RHOBTB1: variants seen among roughly 807,000 people sequenced by gnomAD.
The protein encoded by RHOBTB1 is rho-related BTB domain-containing protein 1.
In RHOBTB1, 40 loss-of-function variants were observed where a neutral mutation model predicts 71.6. The ratio of observed to expected loss-of-function variants is 0.56; its 90% CI spans 0.43 to 0.73. The LOEUF (loss-of-function observed/expected upper bound fraction) is 0.73. RHOBTB1 is among the 30% of genes least tolerant of loss of function. The pLI is 0.00. For missense variants in RHOBTB1, 797 were observed against 894.0 expected, an observed-to-expected ratio of 0.89 and a Z score of 1.38; for synonymous variants, 319 against 334.9, an observed-to-expected ratio of 0.95 and a Z score of 0.52.
At chr10:60,997,962 T>G (rs1385571785) in intron 1 of RHOBTB1, among the ~76,000 whole-genome samples, 1 of 152,226 alleles carries the variant, frequency 6.6e-6, no homozygotes, top group Non-Finnish European at 1.5e-5. Context: ...GCTTATGGTC[T>G]GTTTTGGGGG....
Position 60,872,208 on chromosome 10 carries a change from T to C in RHOBTB1, c.1898A>G (p.Lys633Arg). The C allele has an allele frequency of 6.2e-7, 1 of 1,613,982 alleles. No individual in the cohort carries two copies. The highest frequency in any genetic ancestry group is 8.5e-7 in the Non-Finnish European group (1 of 1,179,860). The part of the protein sequence containing the change: ...NYNSVCSKFR[K>R]EIKSKSADNQ... ...ACCTGCAGATTTTGATTTGATTTCCTTACGGAACTTGGAGCATACACTGTT... is the reference window on the plus strand; with the variant it reads ...ACCTGCAGATTTTGATTTGATTTCCCTACGGAACTTGGAGCATACACTGTT... The change falls in exon 10 of 11, where the codon AAG becomes AGG. Residue 633 changes from lysine to arginine, a missense_variant. Transcript: ENST00000337910.
chr10:60,888,115 T>C (rs1589193375), intron 6 of RHOBTB1, 97 bp downstream of exon 6: 1 of 1,346,770 alleles, frequency 7.4e-7, no homozygotes. Flanking sequence ...TACGTATAAA[T>C]GTTAGCTATC....
Position 60,871,319 on chromosome 10 carries a change from T to G in RHOBTB1, c.*163A>C. The G allele has an allele frequency of 1.5e-6, 1 of 649,852 alleles. No individual in the cohort carries two copies. Among genetic ancestry groups the G allele is most frequent in the Non-Finnish European group, 2.5e-6 (1 of 392,166 alleles). 40.3% of individuals were successfully genotyped at this position (649,852 alleles called of 1,614,324 possible). ...AGGCTCATTGATGGTGAGCTTGTGC[T>G]TTGATCCTAACAAAGATAAATGCAC... On this transcript the variant is annotated 3_prime_UTR_variant, in exon 11 of 11. Transcript: ENST00000337910.
chr10:60,912,054 T>C (rs1021831828), intron 2 of RHOBTB1, among the ~76,000 whole-genome samples: 121 of 152,158 alleles, frequency 8.0e-4, no homozygotes, highest in African/African-American at 2.6e-3. Flanking sequence ...TCAAAACTGT[T>C]ATGGGGACTT....
At chr10:60,888,026 T>C (rs1428240143) in intron 6 of RHOBTB1, among the ~76,000 whole-genome samples, 186 bp downstream of exon 6, 1 of 152,102 alleles carries the variant, frequency 6.6e-6, no homozygotes, top group Non-Finnish European at 1.5e-5. Flanking sequence ...ATGGAGACAA[T>C]CATATTTAAC....
At chr10:60,967,230 C>T (rs2134613396) in intron 2 of RHOBTB1, among the ~76,000 whole-genome samples, 1 of 104,648 alleles carries the variant, frequency 9.6e-6, no homozygotes, top group South Asian at 3.6e-4. Context: ...TGATCTAAGA[C>T]CAATTAGAAA....
At position 60,888,850 on chromosome 10, in the gene RHOBTB1, T is replaced by C. The variant is rs752772350; in HGVS notation, c.818A>G (p.Gln273Arg). The C allele has an allele frequency of 1.2e-6, 2 of 1,614,184 alleles. No homozygotes were observed. The highest frequency in any genetic ancestry group is 1.7e-6 in the Non-Finnish European group (2 of 1,180,030). ...ATGTGCAAAGATGTGTTCCTGGTCCTGAAGGATGAACAGAACATCGGCACA... is the reference window on the plus strand; with the variant it reads ...ATGTGCAAAGATGTGTTCCTGGTCCCGAAGGATGAACAGAACATCGGCACA... Reference protein sequence around the residue: ...PLCADVLFILQDQEHIFAHRI... With the variant: ...PLCADVLFILRDQEHIFAHRI... Residue 273 changes from glutamine to arginine, a missense_variant, in exon 6 of 11, where the codon CAG (glutamine) becomes CGG (arginine). Around this residue, in one of 2 missense-constraint regions of RHOBTB1, gnomAD observed 658 missense variants for 681.5 expected, o/e 0.97. Transcript: ENST00000337910.
At chr10:60,963,185 T>C (rs1483734435) in intron 2 of RHOBTB1, among the ~76,000 whole-genome samples, 3 of 152,180 alleles carry the variant, frequency 2.0e-5, no homozygotes, top group African/African-American at 7.2e-5. Context: ...CACTCATTGC[T>C]GTATGGGTAG....
downstream of RHOBTB1, among the ~76,000 whole-genome samples, chr10:60,867,928 T>C (rs1337069174): frequency 6.6e-6 from 1 of 152,218 alleles, no homozygotes; most frequent in Non-Finnish European, 1.5e-5. Flanking sequence ...ATACAATAAA[T>C]TAAGTCGAGG....
chr10:60,861,909 G>T, the RHOBTB1 span, among the ~76,000 whole-genome samples: 1 of 152,192 alleles, frequency 6.6e-6, no homozygotes, highest in Non-Finnish European at 1.5e-5. Context: ...AGACCAGAAA[G>T]ATGATCCAAG....
chr10:60,910,951 C>T lies in RHOBTB1; in HGVS notation c.232G>A (p.Val78Ile). ...RSRDVVDEVS[V>I]SLRLWDTFGD... is the part of the protein sequence containing the mutation. ...AAAGTATCCCAAAGCCTGAGAGAAA[C>T]ACTCACTTCATCAACAACATCCCGA... The change falls in exon 4 of 11, where the codon GTT becomes ATT. Residue 78 changes from valine to isoleucine, a missense_variant. By Grantham distance (29) the Val-to-Ile change is conservative. Around this residue, in one of 2 missense-constraint regions of RHOBTB1, gnomAD observed 139 missense variants for 212.5 expected, o/e 0.65. Coordinates refer to ENST00000337910, the MANE Select transcript of RHOBTB1 (RefSeq NM_014836.5). The T allele has an allele frequency of 6.2e-7, 1 of 1,614,098 alleles. No homozygotes were observed. The highest frequency in any genetic ancestry group is 2.2e-5 in the East Asian group (1 of 44,876).
At chr10:60,864,590 G>A (rs150329537), downstream of RHOBTB1, among the ~76,000 whole-genome samples, 357 of 152,234 alleles carry the variant, frequency 2.3e-3, 2 homozygotes, top group African/African-American at 8.2e-3. Context: ...TGAGGAGAAA[G>A]TTCACATTAA....
At chr10:60,957,751 G>T (rs2085644428) in intron 2 of RHOBTB1, among the ~76,000 whole-genome samples, 1 of 152,116 alleles carries the variant, frequency 6.6e-6, no homozygotes, top group Non-Finnish European at 1.5e-5. Flanking sequence ...TTGTCCAATG[G>T]TAATGATATT....
intron 7 of RHOBTB1, among the ~76,000 whole-genome samples, chr10:60,878,832 G>A (rs532305506): frequency 9.2e-5 from 14 of 152,342 alleles, no homozygotes; most frequent in Admixed American, 7.2e-4. Flanking sequence ...GAGCTGTAGA[G>A]GTGGGCATGG....
At chr10:60,940,752 G>A (rs2084859821) in intron 2 of RHOBTB1, among the ~76,000 whole-genome samples, 1 of 151,884 alleles carries the variant, frequency 6.6e-6, no homozygotes, top group African/African-American at 2.4e-5. Context: ...CATCTATCCA[G>A]ACAAAAAAAA....
intron 4 of RHOBTB1, among the ~76,000 whole-genome samples, chr10:60,909,935 T>C (rs2082882073): frequency 6.6e-6 from 1 of 152,130 alleles, no homozygotes; most frequent in Admixed American, 6.5e-5. Flanking sequence ...TAAATGACAA[T>C]AAAAGTCCGT....
chr10:60,885,996 C>T, intron 7 of RHOBTB1, 116 bp downstream of exon 7: 1 of 750,664 alleles, frequency 1.3e-6, no homozygotes, highest in Non-Finnish European at 2.4e-6. Context: ...GTATGATGAC[C>T]ACTCATGGAG....
intron 2 of RHOBTB1, among the ~76,000 whole-genome samples, chr10:60,935,885 C>T (rs2134073810): frequency 6.6e-6 from 1 of 152,222 alleles, no homozygotes; most frequent in African/African-American, 2.4e-5. Flanking sequence ...CAACTCTGTG[C>T]TCAGCCACAT....
upstream of RHOBTB1, among the ~76,000 whole-genome samples, chr10:60,948,048 C>T (rs140023332): frequency 1.2e-4 from 19 of 152,258 alleles, no homozygotes; most frequent in East Asian, 3.7e-3. Flanking sequence ...TGTTACTTTG[C>T]ATTCCCCTAA....
Sources: allele counts gnomAD v4.1 joint callset (sites outside exome capture counted in the v4.1 genomes callset), GRCh38; gene constraint gnomAD v4.1.1; regional missense constraint gnomAD v4.1.1; transcripts MANE v1.5; gene names NCBI Gene and HGNC (gene_info 2026-07-23, HGNC 2026-07-21).